Variants in WDR81 observed in about 807,000 individuals in gnomAD.
WDR81 encodes the protein WD repeat domain 81.
WDR81 carries 92 observed loss-of-function variants against 140.8 expected under a neutral mutation model. The ratio of observed to expected loss-of-function variants is 0.65; its 90% CI spans 0.55 to 0.78. The LOEUF (loss-of-function observed/expected upper bound fraction) is 0.78. Among genes scored for constraint, WDR81 ranks in the 30% least tolerant of loss-of-function variants. The probability of loss-of-function intolerance (pLI) is 0.00; values close to 1 mark genes in which losing one functional copy is unlikely to be tolerated. For synonymous variants in WDR81, 1,183 were observed against 1,156.4 expected, an observed-to-expected ratio of 1.02 and a Z score of -0.47; for missense variants, 2,502 against 2,636.4, an observed-to-expected ratio of 0.95 and a Z score of 1.12.
In WDR81 at chr17:1,727,233, G is replaced by A. The variant is rs1915342758; in HGVS notation, c.2274G>A (p.Gln758=). 2 of 1,550,226 alleles carry A rather than the reference G, an allele frequency of 1.3e-6. No homozygotes were observed. The highest frequency in any genetic ancestry group is 1.4e-5 in the African/African-American group (1 of 73,066). Residue 758 remains glutamine (Q), a synonymous_variant, in exon 1 of 10, where the codon CAG becomes CAA. Transcript: ENST00000409644. ...LLEVPEQPRV[Q]PAVPLQCLLH... The stretch of plus-strand genomic sequence containing the variant: ...AGGTGCCTGAGCAGCCCCGGGTCCA[G>A]CCGGCTGTGCCACTGCAGTGCCTAC...
chr17:1,716,821 G>C, intron 1 of WDR81: 1 of 677,514 alleles, frequency 1.5e-6, no homozygotes, highest in East Asian at 2.7e-5. Flanking sequence ...AGTGGGCAGA[G>C]CGTCAGCCCC....
At chr17:1,720,651 G>A (rs550371985), upstream of WDR81, among the ~76,000 whole-genome samples, 9 of 152,066 alleles carry the variant, frequency 5.9e-5, no homozygotes, top group Admixed American at 2.0e-4. Context: ...TGTAATCCCA[G>A]GTACTCGGGA....
intron 4 of WDR81, 21 bp downstream of exon 4, chr17:1,731,279 A>G: frequency 6.2e-7 from 1 of 1,609,776 alleles, no homozygotes; most frequent in African/African-American, 1.3e-5. Flanking sequence ...GCCCCAGCTG[A>G]TGTAGGGGGA....
rs1055342405 is a variant in WDR81, at chr17:1,738,100, G to C, written c.*415G>C. 4.4e-6 allele frequency: 1 copy of C among 227,612 alleles called. No individual in the cohort carries two copies. Among genetic ancestry groups the C allele is most frequent in the Non-Finnish European group, 8.7e-6 (1 of 114,678 alleles). 14.1% of individuals were successfully genotyped at this position (227,612 alleles called of 1,614,324 possible). On this transcript the variant is annotated 3_prime_UTR_variant, in exon 10 of 10. Transcript: ENST00000409644. ...GGCACTCTCTGTCCCATCCCTCTAG[G>C]ACAGGGAAGCTGGCCTGGTCCAGGG...
In WDR81 at chr17:1,735,217, C is replaced by T. The variant is rs1055160848; in HGVS notation, c.5180-355C>T. ...GGCCAAAGTGGGTGGATCATGAGGT[C>T]AGGAGATCGAGACCATCCAGGCTAA... On this transcript the variant is annotated intron_variant, in intron 7 of 9. Transcript: ENST00000409644. This position sits in a 1 kb window ranked among gnomAD's most constrained non-coding sequence, Gnocchi z 4.2. Among the ~76,000 whole-genome samples the T allele has an allele frequency of 6.6e-6, 1 of 152,158 alleles. No individual in the cohort carries two copies. Among genetic ancestry groups the T allele is most frequent in the East Asian group, 1.9e-4 (1 of 5,186 alleles).
In WDR81 at chr17:1,725,839, A is replaced by G; in HGVS notation, c.880A>G (p.Lys294Glu). 6.4e-7 allele frequency: 1 copy of G among 1,550,686 alleles called. No individual in the cohort carries two copies. Among genetic ancestry groups the G allele is most frequent in the Non-Finnish European group, 8.7e-7 (1 of 1,146,902 alleles). ...LSLYHIAVDE[K>E]LCSELRLDLS... is the part of the protein sequence containing the mutation. ...TTTGTATCACATCGCAGTGGATGAG[A>G]AGCTTTGCAGCGAGCTGCGACTGGA... The change falls in exon 1 of 10, where the codon AAG (lysine) becomes GAG (glutamate). Residue 294 changes from lysine (K) to glutamate (E), a missense_variant. By Grantham distance (56) the Lys-to-Glu change is moderately conservative (BLOSUM62 1). Around this residue, in one of 3 missense-constraint regions of WDR81, gnomAD observed 547 missense variants for 513.8 expected, o/e 1.06. Coordinates refer to ENST00000409644, the MANE Select transcript of WDR81 (RefSeq NM_001163809.2).
chr17:1,734,482 C>A (rs1266522365), intron 7 of WDR81, among the ~76,000 whole-genome samples: 1 of 152,202 alleles, frequency 6.6e-6, no homozygotes. Flanking sequence ...GAAAAACTGG[C>A]GTAGAAGATA....
chr17:1,733,559 G>C lies in WDR81; in HGVS notation c.4522G>C (p.Glu1508Gln). ...CATCCGGAAAATCATCCCCAACCAC[G>C]AGCTGGTTGGGGAGCTGGCGGCGCT... ...DIIRKIIPNH[E>Q]LVGELAALYL... The change falls in exon 7 of 10, where the codon GAG becomes CAG. Residue 1508 changes from glutamate (E) to glutamine (Q), a missense_variant. Around this residue, in one of 3 missense-constraint regions of WDR81, gnomAD observed 1,737 missense variants for 1,843.0 expected, o/e 0.94. Coordinates refer to ENST00000409644, the MANE Select transcript of WDR81 (RefSeq NM_001163809.2). 6.6e-7 allele frequency: 1 copy of C among 1,519,792 alleles called. No individual in the cohort carries two copies. Among genetic ancestry groups the C allele is most frequent in the South Asian group, 1.3e-5 (1 of 76,086 alleles). The allele number at this position is 1,519,792 out of a possible 1,614,324, so 94.1% of individuals were successfully genotyped here.
chr17:1,724,934 C>T lies in WDR81; in HGVS notation c.-26C>T. On this transcript the variant is annotated 5_prime_UTR_variant, in exon 1 of 10. Coordinates refer to ENST00000409644, the MANE Select transcript of WDR81 (RefSeq NM_001163809.2). ...AGGGCCGTGGCTGGGCTCAGCCCCG[C>T]GCTGCCCCCGGGCGGCCTGGAGGAG... The T allele has an allele frequency of 7.2e-7, 1 of 1,385,824 alleles. No homozygotes were observed. The highest frequency in any genetic ancestry group is 9.3e-7 in the Non-Finnish European group (1 of 1,075,314). The allele number at this position is 1,385,824 out of a possible 1,614,324, so 85.8% of individuals were successfully genotyped here. A position where few individuals can be genotyped will look rare whatever the true frequency, so the allele number is the denominator to read the frequency against.
intron 1 of WDR81, among the ~76,000 whole-genome samples, chr17:1,717,629 C>T (rs1184883278): frequency 1.3e-5 from 2 of 152,208 alleles, no homozygotes; most frequent in African/African-American, 4.8e-5. Context: ...GACGAATCAG[C>T]TGTTACCACA....
rs2151176921 is a variant in WDR81 at position 1,735,789 on chromosome 17, A to G, written c.5325+72A>G. On this transcript the variant is annotated intron_variant, in intron 8 of 9. Coordinates refer to ENST00000409644, the MANE Select transcript of WDR81 (RefSeq NM_001163809.2). This position sits in a 1 kb window ranked among gnomAD's most constrained non-coding sequence, Gnocchi z 4.2. ...CCTGGCAAGGAGGAGAGACTCCCCA[A>G]AAACAGAAAGCCAGGATGTTGTTCT... 6.5e-7 allele frequency: 1 copy of G among 1,530,700 alleles called. No individual in the cohort carries two copies. Among genetic ancestry groups the G allele is most frequent in the Non-Finnish European group, 8.8e-7 (1 of 1,138,276 alleles). 94.8% of individuals were successfully genotyped at this position (1,530,700 alleles called of 1,614,324 possible).
Position 1,733,735 on chromosome 17 carries a change from C to G in WDR81, c.4698C>G (p.Asn1566Lys). The change falls in exon 7 of 10, where the codon AAC becomes AAG. Residue 1566 changes from asparagine (N) to lysine (K), a missense_variant. Transcript: ENST00000409644. ...CCTTTGGGAGCGTCCTGGTGGGGAA[C>G]CGCATTCAGATCCCCAATGACTCTC... ...SGTFGSVLVG[N>K]RIQIPNDSRP... The G allele has an allele frequency of 6.2e-7, 1 of 1,612,662 alleles. No homozygotes were observed. Among genetic ancestry groups the G allele is most frequent in the Non-Finnish European group, 8.5e-7 (1 of 1,179,870 alleles).
At chr17:1,734,577 G>A (rs1365016325) in intron 7 of WDR81, among the ~76,000 whole-genome samples, 6 of 152,008 alleles carry the variant, frequency 3.9e-5, no homozygotes, top group Admixed American at 1.3e-4. Flanking sequence ...TCAGGAGATC[G>A]AGATCATCCT....
Position 1,732,365 on chromosome 17 carries a change from A to C in WDR81, c.4198A>C (p.Lys1400Gln). ...GAQARTILCVKTISLIALICL... is the reference protein window; with the variant it reads ...GAQARTILCVQTISLIALICL... ...CCAGGCTCGGACCATCCTGTGTGTGAAAACCATCAGCCTCATCGCCCTCAT... is the reference window on the plus strand; with the variant it reads ...CCAGGCTCGGACCATCCTGTGTGTGCAAACCATCAGCCTCATCGCCCTCAT... The change falls in exon 5 of 10, where the codon AAA becomes CAA. Residue 1400 changes from lysine to glutamine, a missense_variant. Physicochemically the swap from Lys to Gln is moderately conservative, Grantham distance 53. This residue lies in a region of WDR81 where 1,737 missense variants were observed against 1,843.0 expected (regional missense o/e 0.94). Transcript: ENST00000409644. 1 of 1,613,580 alleles carries C rather than the reference A, an allele frequency of 6.2e-7. No individual in the cohort carries two copies. The highest frequency in any genetic ancestry group is 2.2e-5 in the East Asian group (1 of 44,888).
rs936764987 is a variant in WDR81, at chr17:1,735,468, T to G, written c.5180-104T>G. 4 of 1,196,240 alleles carry G rather than the reference T, an allele frequency of 3.3e-6. No homozygotes were observed. Among genetic ancestry groups the G allele is most frequent in the African/African-American group, 1.6e-5 (1 of 63,150 alleles). 74.1% of individuals were successfully genotyped at this position (1,196,240 alleles called of 1,614,324 possible). ...ATCTTTAGCATTTTCTAAGGATCCC[T>G]GGGGGACGGGAGGCAGGTGTGCGGT... On this transcript the variant is annotated intron_variant, in intron 7 of 9. Transcript: ENST00000409644. The surrounding 1 kb of genome is among the most constrained non-coding windows in gnomAD (Gnocchi z 4.2).
At chr17:1,733,136 G>A (rs557705647) in intron 6 of WDR81, among the ~76,000 whole-genome samples, 3 of 152,288 alleles carry the variant, frequency 2.0e-5, no homozygotes, top group Non-Finnish European at 2.9e-5. Flanking sequence ...TCCTGTTTAC[G>A]AAGCTTCCCC....
Position 1,737,707 on chromosome 17 carries a change from G to C in WDR81, c.*22G>C. ...ATAGACTGAGGCAGGAGCTGGCCGG[G>C]CAAGGGTGGGAAGACATCTGCGGGC... On this transcript the variant is annotated 3_prime_UTR_variant, in exon 10 of 10. Coordinates refer to ENST00000409644, the MANE Select transcript of WDR81 (RefSeq NM_001163809.2). 1.3e-6 allele frequency: 2 copies of C among 1,586,898 alleles called. No individual in the cohort carries two copies. Among genetic ancestry groups the C allele is most frequent in the Non-Finnish European group, 1.7e-6 (2 of 1,168,078 alleles).
chr17:1,721,129 G>A (rs527428142), upstream of WDR81, among the ~76,000 whole-genome samples: 127 of 152,254 alleles, frequency 8.3e-4, no homozygotes, highest in Non-Finnish European at 1.2e-3. Context: ...CATATCCTCT[G>A]ATTTCAGGTA....
rs545492840 is a variant in WDR81, at chr17:1,733,799, G to A, written c.4762G>A (p.Val1588Met). Reference sequence around the variant, plus strand: ...CGGACCACTGGGCCCCATCTCGGGGGTGGGTGGCGGGGGCCTGGGCAGCGG... The same window carrying A: ...CGGACCACTGGGCCCCATCTCGGGGATGGGTGGCGGGGGCCTGGGCAGCGG... ...NPGPLGPISG[V>M]GGGGLGSGSD... Residue 1588 changes from valine to methionine, a missense_variant, in exon 7 of 10, where the codon GTG becomes ATG. Physicochemically the swap from Val to Met is conservative, Grantham distance 21. This residue lies in a region of WDR81 where 1,737 missense variants were observed against 1,843.0 expected (regional missense o/e 0.94). Coordinates refer to ENST00000409644, the MANE Select transcript of WDR81 (RefSeq NM_001163809.2). 1.2e-6 allele frequency: 2 copies of A among 1,612,186 alleles called. No homozygotes were observed. Among genetic ancestry groups the A allele is most frequent in the Admixed American group, 1.7e-5 (1 of 59,964 alleles).
Sources: gnomAD v4.1 joint callset for allele counts (sites outside exome capture counted in the v4.1 genomes callset) on GRCh38, gnomAD v4.1.1 for gene constraint, gnomAD v4.1.1 regional missense constraint, Gnocchi (gnomAD v3.1) non-coding constraint, MANE v1.5 for transcripts, NCBI Gene and HGNC (gene_info 2026-07-23, HGNC 2026-07-21) for gene names.